The following KCNJ15 variants were observed in gnomAD, a reference collection of about 807,000 sequenced individuals.
The protein encoded by KCNJ15 is ATP-sensitive inward rectifier potassium channel 15.
Under a neutral mutation model 23.0 loss-of-function variants are expected in KCNJ15, and 14 were observed. The ratio of observed to expected loss-of-function variants is 0.61; its 90% CI spans 0.40 to 0.95. KCNJ15 has a LOEUF of 0.95. Ranked by LOEUF, KCNJ15 falls within the 40% of genes least tolerant of loss-of-function variation. The pLI, the probability that KCNJ15 is intolerant of heterozygous loss-of-function variation, is 0.00. For missense variants in KCNJ15, 388 were observed against 461.8 expected, an observed-to-expected ratio of 0.84 and a Z score of 1.46; for synonymous variants, 185 against 183.2, an observed-to-expected ratio of 1.01 and a Z score of -0.08.
chr21:38,246,395 T>C (rs1024494397), intron 1 of KCNJ15, among the ~76,000 whole-genome samples: 1 of 152,224 alleles, frequency 6.6e-6, no homozygotes, highest in Non-Finnish European at 1.5e-5. Flanking sequence ...GATTAACTTT[T>C]GGAAGAATCT....
chr21:38,290,891 C>G (rs1403198510), intron 1 of KCNJ15, among the ~76,000 whole-genome samples: 10 of 151,914 alleles, frequency 6.6e-5, no homozygotes, highest in African/African-American at 2.4e-4. Flanking sequence ...TAACCTTGAA[C>G]AAGTTACTCA....
intron 1 of KCNJ15, among the ~76,000 whole-genome samples, chr21:38,250,462 T>C (rs1224899426): frequency 6.6e-6 from 1 of 152,170 alleles, no homozygotes; most frequent in Non-Finnish European, 1.5e-5. Flanking sequence ...AGCTAGCTCT[T>C]CCAGAGGCCA....
intron 1 of KCNJ15, among the ~76,000 whole-genome samples, chr21:38,270,089 T>C (rs892083335): frequency 1.3e-5 from 2 of 152,212 alleles, no homozygotes; most frequent in Non-Finnish European, 1.5e-5. Flanking sequence ...AGAATCTCAT[T>C]ATGTAGCTTC....
chr21:38,299,548 A>G lies in KCNJ15; in HGVS notation c.287A>G (p.Glu96Gly), dbSNP rs1985536878. The G allele has an allele frequency of 1.2e-6, 2 of 1,614,014 alleles. No homozygotes were observed. The highest frequency in any genetic ancestry group is 1.7e-5 in the Admixed American group (1 of 59,994). ...YAIAFIHGDL[E>G]PGEPISNHTP... ...ATCGCGTTTATTCATGGGGACTTAG[A>G]ACCCGGTGAGCCCATTTCAAATCAT... The change falls in exon 3 of 3, where the codon GAA becomes GGA. Residue 96 changes from glutamate to glycine, a missense_variant. Glu to Gly is a moderately conservative substitution (Grantham distance 98, BLOSUM62 -2). Transcript: ENST00000398938. The surrounding 1 kb of genome is among the most constrained non-coding windows in gnomAD (Gnocchi z 4.5).
intron 1 of KCNJ15, among the ~76,000 whole-genome samples, chr21:38,259,334 G>A (rs566571594): frequency 9.2e-5 from 14 of 152,250 alleles, no homozygotes; most frequent in African/African-American, 3.1e-4. Flanking sequence ...TGAGCTGTAA[G>A]CATGATAAAG....
chr21:38,299,421 C>T lies in KCNJ15; in HGVS notation c.160C>T (p.Leu54=), dbSNP rs117438400. 524 of 1,614,206 alleles carry T rather than the reference C, an allele frequency of 3.2e-4. 7 individuals are homozygous for T. The East Asian group carries it at 0.012, about 35-fold the overall frequency. Reference sequence around the variant, plus strand: ...CATATACCTACTCTACCTGCAAGACCTGTGGACCACAGTTATCGACATGAA... The same window carrying T: ...CATATACCTACTCTACCTGCAAGACTTGTGGACCACAGTTATCGACATGAA... ...DGIYLLYLQD[L]WTTVIDMKWR... Residue 54 remains leucine (L), a synonymous_variant, in exon 3 of 3, where the codon CTG becomes TTG. Transcript: ENST00000398938. This position sits in a 1 kb window ranked among gnomAD's most constrained non-coding sequence, Gnocchi z 4.5.
At position 38,300,686 on chromosome 21, in the gene KCNJ15, A is replaced by C; in HGVS notation, c.*297A>C. 1 of 305,836 alleles carries C rather than the reference A, an allele frequency of 3.3e-6. No individual in the cohort carries two copies. The highest frequency in any genetic ancestry group is 6.4e-6 in the Non-Finnish European group (1 of 156,778). 18.9% of individuals were successfully genotyped at this position (305,836 alleles called of 1,614,324 possible). A position where few individuals can be genotyped will look rare whatever the true frequency, so the allele number is the denominator to read the frequency against. On this transcript the variant is annotated 3_prime_UTR_variant, in exon 3 of 3. Coordinates refer to ENST00000398938, the MANE Select transcript of KCNJ15 (RefSeq NM_170736.3). ...ATTGGAATAATGTCCTGTTAGATAA[A>C]CAGACATTTAGCAATCCTGACATTA... is the stretch of plus-strand genomic sequence containing the variant.
chr21:38,267,547 T>C (rs558656265), intron 1 of KCNJ15, among the ~76,000 whole-genome samples: 12 of 152,322 alleles, frequency 7.9e-5, no homozygotes, highest in African/African-American at 2.2e-4. Flanking sequence ...ATGAGTCTGC[T>C]GACCCACTGG....
chr21:38,296,042 G>T (rs780797296), intron 1 of KCNJ15, among the ~76,000 whole-genome samples: 28 of 152,190 alleles, frequency 1.8e-4, no homozygotes, highest in Admixed American at 2.6e-4. Flanking sequence ...GTATAAGTGT[G>T]CCTGTGTGTG....
intron 1 of KCNJ15, among the ~76,000 whole-genome samples, chr21:38,231,607 C>G (rs1251830570): frequency 6.6e-6 from 1 of 151,772 alleles, no homozygotes; most frequent in Non-Finnish European, 1.5e-5. Flanking sequence ...TGTAGATACC[C>G]TTCATCAAGC....
At chr21:38,275,881 T>G (rs1462958971) in intron 1 of KCNJ15, among the ~76,000 whole-genome samples, 4 of 152,174 alleles carry the variant, frequency 2.6e-5, no homozygotes, top group Admixed American at 2.0e-4. Context: ...ACATGATAAC[T>G]TCTTTGATTT....
chr21:38,288,026 C>CTTTTCTT (rs1171718120), intron 1 of KCNJ15, among the ~76,000 whole-genome samples: 1 of 78,170 alleles, frequency 1.3e-5, no homozygotes, highest in Non-Finnish European at 2.3e-5. Context: ...TTGTTTTTTT[C>CTTTTCTT]TTTGTTTTTT....
chr21:38,282,630 C>T (rs941770474), intron 1 of KCNJ15, among the ~76,000 whole-genome samples: 7 of 152,246 alleles, frequency 4.6e-5, no homozygotes, highest in African/African-American at 1.2e-4. Flanking sequence ...TGACCTAGAA[C>T]GTTGGGCATC....
rs149833679 is a variant in KCNJ15 at position 38,299,251 on chromosome 21, A to G, written c.-11A>G. ...CTTTGTCATTTCTCTAAGTGTTTCC[A>G]GAGCCTGGCAATGGATGCCATTCAC... On this transcript the variant is annotated 5_prime_UTR_variant, in exon 3 of 3. Transcript: ENST00000398938. The surrounding 1 kb of genome is among the most constrained non-coding windows in gnomAD (Gnocchi z 4.5). 5.6e-5 allele frequency: 90 copies of G among 1,602,862 alleles called. No homozygotes were observed. The highest frequency in any genetic ancestry group is 1.7e-4 in the South Asian group (15 of 90,080).
intron 1 of KCNJ15, among the ~76,000 whole-genome samples, chr21:38,236,916 C>T (rs1041046991): frequency 1.3e-5 from 2 of 152,190 alleles, no homozygotes; most frequent in Non-Finnish European, 2.9e-5. Flanking sequence ...TCAGCTTGTT[C>T]TTCCTGACTG....
rs1569025661 is a variant in KCNJ15, at chr21:38,301,946, GCACACACACAGTCACACACGCACA to G, written c.*1568_*1591del. On this transcript the variant is annotated 3_prime_UTR_variant, in exon 3 of 3. Transcript: ENST00000398938. ...ATGTACGCATGATTCCCCCCACCAA[GCACACACACAGTCACACACGCACA>G]CACACACACATGCACACACGCGCGT... 6.2e-6 allele frequency: 1 copy of G among 160,174 alleles called. No homozygotes were observed. Among genetic ancestry groups the G allele is most frequent in the Non-Finnish European group, 1.5e-5 (1 of 68,134 alleles). The allele number at this position is 160,174 out of a possible 1,614,324, so 9.9% of individuals were successfully genotyped here. A position where few individuals can be genotyped will look rare whatever the true frequency, so the allele number is the denominator to read the frequency against.
intron 1 of KCNJ15, among the ~76,000 whole-genome samples, chr21:38,296,290 A>C (rs1985148109): frequency 2.4e-5 from 2 of 82,102 alleles, no homozygotes; most frequent in South Asian, 4.0e-4. Context: ...TAGAAGATAG[A>C]TAATAGATAG....
Position 38,302,899 on chromosome 21 carries a change from TA to T in KCNJ15, c.*2515del, listed in dbSNP as rs1985900327. 6.6e-6 allele frequency: 1 copy of T among 152,182 alleles called. No homozygotes were observed. Among genetic ancestry groups the T allele is most frequent in the African/African-American group, 2.4e-5 (1 of 41,452 alleles). The allele number at this position is 152,182 out of a possible 1,614,324, so 9.4% of individuals were successfully genotyped here. A position where few individuals can be genotyped will look rare whatever the true frequency, so the allele number is the denominator to read the frequency against. ...AAATATTGCAGCAGAAATATCACCT[TA>T]AAAATATCTTATTTTATATTTAGAT... On this transcript the variant is annotated 3_prime_UTR_variant, in exon 3 of 3. Transcript: ENST00000398938.
chr21:38,292,214 C>T lies in KCNJ15; in HGVS notation c.-116-4712C>T, dbSNP rs150268881. Among the ~76,000 whole-genome samples the T allele has an allele frequency of 2.9e-3, 444 of 152,258 alleles. 6 individuals are homozygous for T. The highest frequency in any genetic ancestry group is 0.01 in the African/African-American group (418 of 41,534). ...TATTTAATTTCTCTAAGCTTAGTTTCGTCACCTAGAAAATAGAGAAAATAA... is the reference window on the plus strand; with the variant it reads ...TATTTAATTTCTCTAAGCTTAGTTTTGTCACCTAGAAAATAGAGAAAATAA... On this transcript the variant is annotated intron_variant, in intron 1 of 2. Coordinates refer to ENST00000398938, the MANE Select transcript of KCNJ15 (RefSeq NM_170736.3).
Sources: allele counts gnomAD v4.1 joint callset (sites outside exome capture counted in the v4.1 genomes callset), GRCh38; gene constraint gnomAD v4.1.1; non-coding constraint Gnocchi (gnomAD v3.1); transcripts MANE v1.5; gene names NCBI Gene and HGNC (gene_info 2026-07-23, HGNC 2026-07-21).